Variants in GLS observed in about 807,000 individuals in gnomAD.
GLS encodes the protein glutaminase.
Under a neutral mutation model 86.7 loss-of-function variants are expected in GLS, and 36 were observed. The observed-to-expected ratio is 0.42, with a 90% CI of 0.32 to 0.55. The LOEUF is 0.55. Among genes scored for constraint, GLS ranks in the 20% least tolerant of loss-of-function variants. GLS has a pLI of 0.17. For synonymous variants in GLS, 317 were observed against 305.9 expected, an observed-to-expected ratio of 1.04 and a Z score of -0.38; for missense variants, 528 against 833.4, an observed-to-expected ratio of 0.63 and a Z score of 4.51.
At chr2:190,919,742 T>C in intron 7 of GLS, 1 of 539,996 alleles carries the variant, frequency 1.9e-6, no homozygotes, top group Non-Finnish European at 2.4e-6. Context: ...CATTTTGATT[T>C]CTGGTATATT....
chr2:190,958,243 C>T (rs1342392002), intron 17 of GLS, among the ~76,000 whole-genome samples: 2 of 152,156 alleles, frequency 1.3e-5, no homozygotes, highest in Non-Finnish European at 2.9e-5. Flanking sequence ...ATAGTATTCT[C>T]TGATGGTAGT....
chr2:190,946,417 C>T (rs1441321702), intron 14 of GLS, among the ~76,000 whole-genome samples: 1 of 152,010 alleles, frequency 6.6e-6, no homozygotes, highest in Non-Finnish European at 1.5e-5. Context: ...TATTCCATGA[C>T]AACAGATACT....
rs1688130753 is a variant in GLS at position 190,880,962 on chromosome 2, G to A, written c.-123G>A. 12 of 1,168,120 alleles carry A rather than the reference G, an allele frequency of 1.0e-5. No homozygotes were observed. The highest frequency in any genetic ancestry group is 1.3e-5 in the Non-Finnish European group (11 of 823,010). The allele number at this position is 1,168,120 out of a possible 1,614,324, so 72.4% of individuals were successfully genotyped here. On this transcript the variant is annotated 5_prime_UTR_variant, in exon 1 of 18. Transcript: ENST00000320717. ...GAGTCCGAGCCGGAACCACACCCAAGTAGCTGCCCTTTCCTCTTCTGTCAT... is the reference window on the plus strand; with the variant it reads ...GAGTCCGAGCCGGAACCACACCCAAATAGCTGCCCTTTCCTCTTCTGTCAT...
rs1690650539 is a variant in GLS, at chr2:190,949,070, A to G, written c.1651-4495A>G. Among the ~76,000 whole-genome samples, 1 of 151,960 alleles carries G rather than the reference A, an allele frequency of 6.6e-6. No homozygotes were observed. The highest frequency in any genetic ancestry group is 2.4e-5 in the African/African-American group (1 of 41,252). The stretch of plus-strand genomic sequence containing the variant: ...GTCTTTGAGGGAAGGGAAGGATTTG[A>G]TTAGGAATCTGGGTGTTCTTAAGAG... On this transcript the variant is annotated intron_variant, in intron 14 of 17. Coordinates refer to ENST00000320717, the MANE Select transcript of GLS (RefSeq NM_014905.5). The surrounding 1 kb of genome is among the most constrained non-coding windows in gnomAD (Gnocchi z 4.0).
At chr2:190,910,671 A>T (rs1324913151) in intron 7 of GLS, among the ~76,000 whole-genome samples, 1 of 151,328 alleles carries the variant, frequency 6.6e-6, no homozygotes, top group East Asian at 1.9e-4. Flanking sequence ...TTCCAGAATG[A>T]ACAGTTATAA....
chr2:190,885,814 T>A (rs183528198), intron 1 of GLS, among the ~76,000 whole-genome samples: 16 of 152,114 alleles, frequency 1.1e-4, no homozygotes, highest in East Asian at 5.8e-4. Context: ...TTATTAAAAA[T>A]TTTTTTCTAG....
At chr2:190,885,666 C>T (rs1199661521) in intron 1 of GLS, among the ~76,000 whole-genome samples, 1 of 151,982 alleles carries the variant, frequency 6.6e-6, no homozygotes, top group East Asian at 1.9e-4. Flanking sequence ...TTTTATGATC[C>T]TTCAGTATTG....
intron 5 of GLS, 41 bp downstream of exon 5, chr2:190,902,067 T>C (rs1414148198): frequency 9.0e-7 from 1 of 1,110,970 alleles, no homozygotes; most frequent in African/African-American, 1.5e-5. Flanking sequence ...CTCTAAGCCT[T>C]AACTTTTGTA....
chr2:190,963,111 G>A lies in GLS; in HGVS notation c.*125G>A, dbSNP rs1049431619. 8 of 686,802 alleles carry A rather than the reference G, an allele frequency of 1.2e-5. No homozygotes were observed. Among genetic ancestry groups the A allele is most frequent in the Non-Finnish European group, 1.6e-5 (7 of 424,946 alleles). The allele number at this position is 686,802 out of a possible 1,614,324, so 42.5% of individuals were successfully genotyped here. ...CATTTGTCATTTCAGTGTTACTGGA[G>A]TTTTCTTCATTGTGCACACAGGACA... On this transcript the variant is annotated 3_prime_UTR_variant, in exon 18 of 18. Transcript: ENST00000320717.
intron 1 of GLS, among the ~76,000 whole-genome samples, chr2:190,894,119 A>G (rs1469137561): frequency 6.6e-6 from 1 of 152,076 alleles, no homozygotes; most frequent in African/African-American, 2.4e-5. Flanking sequence ...AATAGTCTTT[A>G]TGATTTGTAG....
rs1559309597 is a variant in GLS at position 190,880,914 on chromosome 2, A to AGCAGCAGCAGCAGCAGCACCC, written c.-165_-164insGCAGCAGCAGCACCCGCAGCA. 1 of 938,104 alleles carries AGCAGCAGCAGCAGCAGCACCC rather than the reference A, an allele frequency of 1.1e-6. No individual in the cohort carries two copies. Among genetic ancestry groups the AGCAGCAGCAGCAGCAGCACCC allele is most frequent in the Non-Finnish European group, 1.6e-6 (1 of 622,602 alleles). The allele number at this position is 938,104 out of a possible 1,614,324, so 58.1% of individuals were successfully genotyped here. A position where few individuals can be genotyped will look rare whatever the true frequency, so the allele number is the denominator to read the frequency against. Reference sequence around the variant, plus strand: ...CAGCAGCAGCAGCAGCAGCAGCAGCAGCAGCACCCGCATCCGCTGCGGGAG... The same window carrying AGCAGCAGCAGCAGCAGCACCC: ...CAGCAGCAGCAGCAGCAGCAGCAGCAGCAGCAGCAGCAGCAGCACCCGCAGCACCCGCATCCGCTGCGGGAG... On this transcript the variant is annotated 5_prime_UTR_variant, in exon 1 of 18. Coordinates refer to ENST00000320717, the MANE Select transcript of GLS (RefSeq NM_014905.5).
At position 190,953,796 on chromosome 2, in the gene GLS, A is replaced by G. The variant is rs1232470891; in HGVS notation, c.1712+170A>G. ...TCCAGTGCCTTAGGCCTGCTTTCCA[A>G]TCTTGTCCTTTTCTGCCTCCTATAA... On this transcript the variant is annotated intron_variant, in intron 15 of 17. Transcript: ENST00000320717. The surrounding 1 kb of genome is among the most constrained non-coding windows in gnomAD (Gnocchi z 4.0). Among the ~76,000 whole-genome samples the G allele has an allele frequency of 1.3e-5, 2 of 152,146 alleles. No homozygotes were observed. Among genetic ancestry groups the G allele is most frequent in the African/African-American group, 4.8e-5 (2 of 41,428 alleles).
At chr2:190,957,088 C>CCTTTCTTT (rs61494037) in intron 17 of GLS, among the ~76,000 whole-genome samples, 1 of 151,934 alleles carries the variant, frequency 6.6e-6, no homozygotes, top group Admixed American at 6.6e-5. Flanking sequence ...TATTTGAATA[C>CCTTTCTTT]CTTTCTTTCT....
intron 4 of GLS, among the ~76,000 whole-genome samples, chr2:190,901,224 T>G (rs987797940): frequency 1.3e-5 from 2 of 152,124 alleles, no homozygotes; most frequent in Admixed American, 1.3e-4. Context: ...TTATAACTAC[T>G]GTTATAAGCG....
At chr2:190,961,973 G>A (rs1331920013) in intron 17 of GLS, among the ~76,000 whole-genome samples, 1 of 152,164 alleles carries the variant, frequency 6.6e-6, no homozygotes, top group African/African-American at 2.4e-5. Context: ...TGTAAGTAGA[G>A]AGAGAGATTG....
chr2:190,880,997 C>T lies in GLS; in HGVS notation c.-88C>T. The stretch of plus-strand genomic sequence containing the variant: ...TTTCCTCTTCTGTCATCTCACCGCC[C>T]CACCACAGACCGCGTTCCCCGAGGA... On this transcript the variant is annotated 5_prime_UTR_variant, in exon 1 of 18. Transcript: ENST00000320717. 7.1e-7 allele frequency: 1 copy of T among 1,407,162 alleles called. No homozygotes were observed. Among genetic ancestry groups the T allele is most frequent in the Admixed American group, 2.0e-5 (1 of 49,382 alleles). The allele number at this position is 1,407,162 out of a possible 1,614,324, so 87.2% of individuals were successfully genotyped here.
chr2:190,881,665 C>A, intron 1 of GLS, 195 bp downstream of exon 1: 1 of 531,510 alleles, frequency 1.9e-6, no homozygotes, highest in Non-Finnish European at 3.2e-6. Context: ...CCGCAACCCT[C>A]CGCCAGGCAC....
chr2:190,908,080 G>A (rs546772198), intron 6 of GLS, among the ~76,000 whole-genome samples: 42 of 152,206 alleles, frequency 2.8e-4, no homozygotes, highest in African/African-American at 8.9e-4. Flanking sequence ...CATCCTCAAT[G>A]GGCACTGCAC....
chr2:190,961,593 G>A (rs570952049), intron 17 of GLS, among the ~76,000 whole-genome samples: 1 of 151,702 alleles, frequency 6.6e-6, no homozygotes, highest in South Asian at 2.1e-4. Flanking sequence ...CAGAAAGACA[G>A]ATAATTACAT....
Sources: allele counts gnomAD v4.1 joint callset (sites outside exome capture counted in the v4.1 genomes callset), GRCh38; gene constraint gnomAD v4.1.1; non-coding constraint Gnocchi (gnomAD v3.1); transcripts MANE v1.5; gene names NCBI Gene and HGNC (gene_info 2026-07-23, HGNC 2026-07-21).